ENPP3: variants seen among roughly 807,000 people sequenced by gnomAD.
The protein encoded by ENPP3 is ectonucleotide pyrophosphatase/phosphodiesterase family member 3.
Under a neutral mutation model 117.8 loss-of-function variants are expected in ENPP3, and 104 were observed. The ratio of observed to expected loss-of-function variants is 0.88; its 90% CI spans 0.75 to 1.04. The LOEUF (loss-of-function observed/expected upper bound fraction) is 1.04. Among genes scored for constraint, ENPP3 ranks in the 50% least tolerant of loss-of-function variants. The pLI, the probability that ENPP3 is intolerant of heterozygous loss-of-function variation, is 0.00. For missense variants in ENPP3, 1,026 were observed against 1,051.9 expected, an observed-to-expected ratio of 0.98 and a Z score of 0.34; for synonymous variants, 380 against 349.9, an observed-to-expected ratio of 1.09 and a Z score of -0.96.
At chr6:131,745,390 A>G (rs1314005803) in intron 24 of ENPP3, among the ~76,000 whole-genome samples, 1 of 152,116 alleles carries the variant, frequency 6.6e-6, no homozygotes, top group Non-Finnish European at 1.5e-5. Context: ...TTAAGCCTGC[A>G]TACTTAAACA....
rs912978505 is a variant in ENPP3, at chr6:131,722,294, G to A, written c.1635G>A (p.Val545=). The A allele has an allele frequency of 9.9e-6, 16 of 1,613,856 alleles. No homozygotes were observed. In the African/African-American group the frequency reaches 1.7e-4, roughly 18 times the overall value. The change falls in exon 18 of 25, where the codon GTG becomes GTA. Residue 545 remains valine (V), a synonymous_variant. Coordinates refer to ENST00000357639, the MANE Select transcript of ENPP3 (RefSeq NM_005021.5). ...GTAGTTTAAACCATCTTCTGAAGGT[G>A]CCTTTTTATGAGCCATCCCATGCAG... ...THGSLNHLLK[V]PFYEPSHAEE... is the part of the protein sequence containing the mutation.
At chr6:131,745,600 T>C (rs561498838) in intron 24 of ENPP3, among the ~76,000 whole-genome samples, 2 of 152,124 alleles carry the variant, frequency 1.3e-5, no homozygotes, top group African/African-American at 4.8e-5. Flanking sequence ...CTAACTTTCA[T>C]ATTGTAAAAA....
intron 6 of ENPP3, among the ~76,000 whole-genome samples, chr6:131,660,283 C>G (rs1277968340): frequency 6.6e-6 from 1 of 152,162 alleles, no homozygotes; most frequent in Non-Finnish European, 1.5e-5. Flanking sequence ...GAGCCCAGGG[C>G]CCCATCTCTA....
intron 6 of ENPP3, among the ~76,000 whole-genome samples, chr6:131,664,434 A>G (rs553118909): frequency 6.6e-6 from 1 of 152,366 alleles, no homozygotes; most frequent in African/African-American, 2.4e-5. Context: ...AAAGAGTTAA[A>G]AAAATTAAAA....
chr6:131,637,921 C>T, intron 1 of ENPP3, among the ~76,000 whole-genome samples: 1 of 150,598 alleles, frequency 6.6e-6, no homozygotes, highest in Non-Finnish European at 1.5e-5. Context: ...GATCTGCCAC[C>T]CCCCCTCACC....
At chr6:131,678,837 T>C (rs1429731798) in intron 11 of ENPP3, among the ~76,000 whole-genome samples, 3 of 152,206 alleles carry the variant, frequency 2.0e-5, no homozygotes, top group Non-Finnish European at 4.4e-5. Context: ...TGTATGCCTT[T>C]TCAGGTTACT....
rs554354631 is a variant in ENPP3, at chr6:131,638,500, C to T, written c.78+1038C>T. Reference sequence around the variant, plus strand: ...CTCACCACAACCTCTGTTTCCCAGGCTCAAGTGATCCTCCTGCCTCAGCCT... The same window carrying T: ...CTCACCACAACCTCTGTTTCCCAGGTTCAAGTGATCCTCCTGCCTCAGCCT... On this transcript the variant is annotated intron_variant, in intron 1 of 24. Coordinates refer to ENST00000357639, the MANE Select transcript of ENPP3 (RefSeq NM_005021.5). 1.1e-5 allele frequency: 5 copies of T among 453,806 alleles called. No individual in the cohort carries two copies. The East Asian group carries it at 3.5e-4, about 32-fold the overall frequency. The allele number at this position is 453,806 out of a possible 1,614,324, so 28.1% of individuals were successfully genotyped here.
At position 131,651,807 on chromosome 6, in the gene ENPP3, C is replaced by T. The variant is rs573239521; in HGVS notation, c.278-735C>T. On this transcript the variant is annotated intron_variant, in intron 3 of 24. Transcript: ENST00000357639. ...TTCCCTTTACTTAATCTCCAAAAAT[C>T]TTCTGTTTCTATGTAAATGAGAAAT... Among the ~76,000 whole-genome samples, 9 of 152,266 alleles carry T rather than the reference C, an allele frequency of 5.9e-5. No individual in the cohort carries two copies. In the South Asian group the frequency reaches 1.5e-3, roughly 25 times the overall value.
intron 12 of ENPP3, among the ~76,000 whole-genome samples, chr6:131,684,162 G>C (rs1193066435): frequency 6.6e-6 from 1 of 152,184 alleles, no homozygotes; most frequent in Non-Finnish European, 1.5e-5. Context: ...GACGTTTAAA[G>C]TCAAGCCCCA....
chr6:131,654,997 G>A (rs555980165), intron 5 of ENPP3, among the ~76,000 whole-genome samples: 18 of 152,280 alleles, frequency 1.2e-4, no homozygotes, highest in Middle Eastern at 3.4e-3. Flanking sequence ...AGGGTCAGAC[G>A]ATTTCATGTG....
intron 6 of ENPP3, among the ~76,000 whole-genome samples, chr6:131,659,921 C>G (rs1778462563): frequency 6.6e-6 from 1 of 152,202 alleles, no homozygotes. Flanking sequence ...TCGATTTGCT[C>G]ATTCCATTGA....
intron 6 of ENPP3, among the ~76,000 whole-genome samples, chr6:131,661,989 G>A (rs551305473): frequency 3.9e-5 from 6 of 152,264 alleles, no homozygotes; most frequent in Admixed American, 1.3e-4. Context: ...ATGTCATGCA[G>A]ATTTTCCCGT....
intron 18 of ENPP3, 49 bp from the exon 19 acceptor site, chr6:131,723,991 G>A (rs1461948615): frequency 1.5e-6 from 2 of 1,364,208 alleles, no homozygotes; most frequent in East Asian, 2.3e-5. Context: ...AACACATATT[G>A]TTGCTTTGAC....
rs1011625303 is a variant in ENPP3, at chr6:131,744,964, T to C, written c.2458-1822T>C. Among the ~76,000 whole-genome samples the C allele has an allele frequency of 2.0e-5, 3 of 152,316 alleles. No individual in the cohort carries two copies. The South Asian group carries it at 6.2e-4, about 32-fold the overall frequency. On this transcript the variant is annotated intron_variant, in intron 24 of 24. Transcript: ENST00000357639. ...TTCAGATTAGTTGGTGCCAGCGACTTACTCAGGTTAAATAGCTGAAGTATC... is the reference window on the plus strand; with the variant it reads ...TTCAGATTAGTTGGTGCCAGCGACTCACTCAGGTTAAATAGCTGAAGTATC...
At chr6:131,674,475 TG>T (rs1778822230) in intron 8 of ENPP3, 194 bp downstream of exon 8, 3 of 606,986 alleles carry the variant, frequency 4.9e-6, no homozygotes, top group African/African-American at 3.7e-5. Context: ...CAAATAGGTA[TG>T]TTTAAACTTG....
intron 15 of ENPP3, among the ~76,000 whole-genome samples, chr6:131,712,358 C>T (rs1204468282): frequency 6.7e-6 from 1 of 148,204 alleles, no homozygotes; most frequent in African/African-American, 2.6e-5. Context: ...GATCATCTTG[C>T]TGCTCTCAAG....
At chr6:131,686,632 G>A (rs979666538) in intron 14 of ENPP3, among the ~76,000 whole-genome samples, 8 of 152,118 alleles carry the variant, frequency 5.3e-5, no homozygotes, top group Non-Finnish European at 1.0e-4. Context: ...AGTAAGCATT[G>A]TACCCAATAA....
At position 131,674,190 on chromosome 6, in the gene ENPP3, T is replaced by C. The variant is rs1257480826; in HGVS notation, c.671T>C (p.Ile224Thr). 6.4e-7 allele frequency: 1 copy of C among 1,573,610 alleles called. No individual in the cohort carries two copies. Among genetic ancestry groups the C allele is most frequent in the East Asian group, 2.2e-5 (1 of 44,578 alleles). Residue 224 changes from isoleucine (I) to threonine (T), a missense_variant, in exon 8 of 25, where the codon ATT (isoleucine) becomes ACT (threonine). Physicochemically the swap from Ile to Thr is moderately conservative, Grantham distance 89 (BLOSUM62 -1). Transcript: ENST00000357639. ...TGLYPESHGI[I>T]DNNMYDVNLN... ...TTGTATCCAGAGTCACATGGCATCA[T>C]TGACAATAATATGTATGATGTAAAT...
intron 15 of ENPP3, chr6:131,710,762 T>G (rs1779765408): frequency 6.2e-7 from 1 of 1,612,812 alleles, no homozygotes. Flanking sequence ...TTTTCTTCAA[T>G]TAGTCCAGAA....
Sources: allele counts gnomAD v4.1 joint callset (sites outside exome capture counted in the v4.1 genomes callset), GRCh38; gene constraint gnomAD v4.1.1; transcripts MANE v1.5; gene names NCBI Gene and HGNC (gene_info 2026-07-23, HGNC 2026-07-21).